The following ADAMTS6 variants were observed in gnomAD, a reference collection of about 807,000 sequenced individuals.
ADAMTS6 encodes ADAM metallopeptidase with thrombospondin type 1 motif 6, also known as A disintegrin and metalloproteinase with thrombospondin motifs 6.
In ADAMTS6, 23 loss-of-function variants were observed where a neutral mutation model predicts 144.3. That is an observed-to-expected ratio of 0.16 (90% confidence interval 0.11 to 0.23). The LOEUF (loss-of-function observed/expected upper bound fraction) is 0.23, where lower values mean the gene tolerates loss of function less well. Among genes scored for constraint, ADAMTS6 ranks in the 10% least tolerant of loss-of-function variants. The pLI is 1.00. For synonymous variants in ADAMTS6, 444 were observed against 457.5 expected (o/e 0.97, Z 0.38); for missense variants, 999 against 1,379.6 (o/e 0.72, Z 4.37).
chr5:65,340,156 C>A (rs538391854), intron 7 of ADAMTS6, among the ~76,000 whole-genome samples: 1 of 152,020 alleles, frequency 6.6e-6, no homozygotes, highest in South Asian at 2.1e-4. Flanking sequence ...AACAAATCAC[C>A]ATTAGACTAA....
rs940574134 is a variant in ADAMTS6 at position 65,367,399 on chromosome 5, G to T, written c.1074-33314C>A. On this transcript the variant is annotated intron_variant, in intron 7 of 24. Transcript: ENST00000381055. The stretch of plus-strand genomic sequence containing the variant: ...TTACCATGGGTAATATTCCTAAAAA[G>T]TAAGATGTAAAACTAAAATTTATAA... Among the ~76,000 whole-genome samples the T allele has an allele frequency of 1.3e-5, 2 of 152,242 alleles. 1 individual carries two copies. Among genetic ancestry groups the T allele is most frequent in the East Asian group, 3.9e-4 (2 of 5,186 alleles).
chr5:65,470,829 C>A lies in ADAMTS6; in HGVS notation c.411G>T (p.Leu137Phe). The change falls in exon 3 of 25, where the codon TTG (leucine) becomes TTT (phenylalanine). Residue 137 changes from leucine to phenylalanine, a missense_variant. Coordinates refer to ENST00000381055, the MANE Select transcript of ADAMTS6 (RefSeq NM_197941.4). ...FLDNCHYTGY[L>F]QDQRSTTKVA... ...CTTTAGTTGTACTACGTTGATCTTG[C>A]AAATATCCTGTGTAATGACAGTTGT... The A allele has an allele frequency of 6.2e-7, 1 of 1,609,322 alleles. No individual in the cohort carries two copies. The highest frequency in any genetic ancestry group is 8.5e-7 in the Non-Finnish European group (1 of 1,178,628).
rs1561304665 is a variant in ADAMTS6 at position 65,230,302 on chromosome 5, A to ATATATGAAATATATATATAATACAT, written c.1934-4084_1934-4083insATGTATTATATATATATTTCATATA. Among the ~76,000 whole-genome samples the ATATATGAAATATATATATAATACAT allele has an allele frequency of 1.4e-4, 11 of 80,110 alleles. 2 individuals carry two copies. Among genetic ancestry groups the ATATATGAAATATATATATAATACAT allele is most frequent in the African/African-American group, 5.4e-4 (10 of 18,656 alleles). 52.6% of individuals were successfully genotyped at this position (80,110 alleles called of 152,430 possible). ...ATACCTAAAGCATATATATATATATATATATATATGAAATATATATAATAC... is the reference window on the plus strand; with the variant it reads ...ATACCTAAAGCATATATATATATATATATATGAAATATATATATAATACATTATATATATGAAATATATATAATAC... On this transcript the variant is annotated intron_variant, in intron 15 of 24. Transcript: ENST00000381055.
chr5:65,271,380 A>C (rs1487977781), intron 12 of ADAMTS6, among the ~76,000 whole-genome samples: 1 of 149,344 alleles, frequency 6.7e-6, no homozygotes, highest in Non-Finnish European at 1.5e-5. Context: ...TCCGTCTAAA[A>C]AAAAAAAAAA....
In ADAMTS6 at chr5:65,297,131, A is replaced by T. The variant is rs1208913028; in HGVS notation, c.1370+2854T>A. 3 of 443,544 alleles carry T rather than the reference A, an allele frequency of 6.8e-6. No homozygotes were observed. The Admixed American group carries it at 7.6e-5, about 11-fold the overall frequency. The allele number at this position is 443,544 out of a possible 1,614,324, so 27.5% of individuals were successfully genotyped here. A position where few individuals can be genotyped will look rare whatever the true frequency, so the allele number is the denominator to read the frequency against. On this transcript the variant is annotated intron_variant, in intron 10 of 24. Coordinates refer to ENST00000381055, the MANE Select transcript of ADAMTS6 (RefSeq NM_197941.4). ...ACCTGCAAAGCCGTCGCCGGAAAACATCAGAAGCTGGCATAACACGTCCAT... is the reference window on the plus strand; with the variant it reads ...ACCTGCAAAGCCGTCGCCGGAAAACTTCAGAAGCTGGCATAACACGTCCAT...
At chr5:65,324,823 A>G (rs948481337) in intron 9 of ADAMTS6, among the ~76,000 whole-genome samples, 3 of 152,166 alleles carry the variant, frequency 2.0e-5, no homozygotes, top group Admixed American at 6.6e-5. Context: ...CATGCTACCA[A>G]CCGTATCATC....
intron 24 of ADAMTS6, among the ~76,000 whole-genome samples, chr5:65,170,314 C>T (rs1753536651): frequency 6.6e-6 from 1 of 152,120 alleles, no homozygotes; most frequent in Admixed American, 6.5e-5. Flanking sequence ...GCTCTAAAGT[C>T]CTACTATAAA....
intron 3 of ADAMTS6, among the ~76,000 whole-genome samples, chr5:65,461,490 T>C (rs947147746): frequency 3.3e-5 from 5 of 152,230 alleles, no homozygotes; most frequent in Admixed American, 3.3e-4. Flanking sequence ...AAATAAGAAT[T>C]TCCACCTTTG....
rs190865454 is a variant in ADAMTS6, at chr5:65,269,265, A to C, written c.1620+4075T>G. 2.0e-3 allele frequency among the ~76,000 whole-genome samples: 304 copies of C among 152,310 alleles called. 3 individuals are homozygous for C. The highest frequency in any genetic ancestry group is 6.9e-3 in the African/African-American group (288 of 41,562). On this transcript the variant is annotated intron_variant, in intron 12 of 24. Transcript: ENST00000381055. ...AAATATTATCTAATTCTATCCTTAT[A>C]TTATCTCTACGAAATATATAGAAAT...
In ADAMTS6 at chr5:65,255,800, G is replaced by C. The variant is rs565452156; in HGVS notation, c.1830+4800C>G. On this transcript the variant is annotated intron_variant, in intron 14 of 24. Coordinates refer to ENST00000381055, the MANE Select transcript of ADAMTS6 (RefSeq NM_197941.4). Reference sequence around the variant, plus strand: ...AAAAAAATTTTGTCAGAATAACCTAGTCTATCATGACCAAAAATGGAAGTC... The same window carrying C: ...AAAAAAATTTTGTCAGAATAACCTACTCTATCATGACCAAAAATGGAAGTC... Among the ~76,000 whole-genome samples, 25 of 151,532 alleles carry C rather than the reference G, an allele frequency of 1.6e-4. No homozygotes were observed. The South Asian group carries it at 4.6e-3, about 28-fold the overall frequency.
intron 7 of ADAMTS6, among the ~76,000 whole-genome samples, chr5:65,355,039 G>A (rs536128720): frequency 6.6e-6 from 1 of 151,552 alleles, no homozygotes; most frequent in Non-Finnish European, 1.5e-5. Flanking sequence ...TTTTAGTCTC[G>A]TGAGTCCTGT....
intron 18 of ADAMTS6, among the ~76,000 whole-genome samples, chr5:65,223,067 T>G (rs1181547918): frequency 6.6e-6 from 1 of 152,086 alleles, no homozygotes; most frequent in African/African-American, 2.4e-5. Flanking sequence ...TGGATAAAAT[T>G]AAAAAGACTG....
At chr5:65,318,014 G>A (rs1745179168) in intron 9 of ADAMTS6, among the ~76,000 whole-genome samples, 1 of 142,258 alleles carries the variant, frequency 7.0e-6, no homozygotes, top group Non-Finnish European at 1.5e-5. Context: ...GGTGGAGCTT[G>A]CACTGAGCCG....
At chr5:65,172,736 C>G in intron 23 of ADAMTS6, 96 bp downstream of exon 23, 1 of 1,395,884 alleles carries the variant, frequency 7.2e-7, no homozygotes, top group Non-Finnish European at 9.7e-7. Context: ...TTAATTCTTA[C>G]TCATCTCTCA....
chr5:65,427,886 C>CT (rs1226429981), intron 7 of ADAMTS6, among the ~76,000 whole-genome samples: 2 of 151,004 alleles, frequency 1.3e-5, no homozygotes, highest in Admixed American at 6.6e-5. Flanking sequence ...AGAAAAAAAG[C>CT]TAAGTTTGGA....
At position 65,219,597 on chromosome 5, in the gene ADAMTS6, G is replaced by A. The variant is rs190175046; in HGVS notation, c.2273-4110C>T. On this transcript the variant is annotated intron_variant, in intron 18 of 24. Transcript: ENST00000381055. ...GCATCAAAGAATATTTTTAAGAGAT[G>A]GGTATCTCACTATGTTGCCCAGGCT... is the stretch of plus-strand genomic sequence containing the variant. 2.0e-5 allele frequency among the ~76,000 whole-genome samples: 3 copies of A among 152,232 alleles called. No homozygotes were observed. The East Asian group carries it at 5.8e-4, about 29-fold the overall frequency.
intron 7 of ADAMTS6, among the ~76,000 whole-genome samples, chr5:65,413,481 C>T (rs1755239877): frequency 1.3e-5 from 2 of 151,954 alleles, no homozygotes; most frequent in Non-Finnish European, 2.9e-5. Flanking sequence ...TAAAAAGATT[C>T]AATATTTAAA....
At chr5:65,332,770 T>C (rs932384032) in intron 8 of ADAMTS6, among the ~76,000 whole-genome samples, 1 of 152,104 alleles carries the variant, frequency 6.6e-6, no homozygotes, top group African/African-American at 2.4e-5. Context: ...GTCCCCTCTG[T>C]TGGATTATGT....
chr5:65,374,001 G>C lies in ADAMTS6; in HGVS notation c.1074-39916C>G, dbSNP rs377661152. 6.6e-5 allele frequency among the ~76,000 whole-genome samples: 10 copies of C among 152,162 alleles called. No individual in the cohort carries two copies. The East Asian group carries it at 7.7e-4, about 12-fold the overall frequency. On this transcript the variant is annotated intron_variant, in intron 7 of 24. Transcript: ENST00000381055. Reference sequence around the variant, plus strand: ...TCCAGCATATAAACAGAACCAAAGAGAAAAACCACATGATTATCTCAATAG... The same window carrying C: ...TCCAGCATATAAACAGAACCAAAGACAAAAACCACATGATTATCTCAATAG...
Sources: allele counts gnomAD v4.1 joint callset (sites outside exome capture counted in the v4.1 genomes callset), GRCh38; gene constraint gnomAD v4.1.1; transcripts MANE v1.5; gene names NCBI Gene and HGNC (gene_info 2026-07-23, HGNC 2026-07-21).